Variants in NALCN observed in about 807,000 individuals in gnomAD.
NALCN encodes the protein sodium leak channel NALCN.
A neutral mutation model predicts 225.3 loss-of-function variants in NALCN; 111 were observed. The observed-to-expected ratio is 0.49, with a 90% CI of 0.42 to 0.58. The LOEUF (loss-of-function observed/expected upper bound fraction) is 0.58. Among genes scored for constraint, NALCN ranks in the 20% least tolerant of loss-of-function variants. The probability of loss-of-function intolerance (pLI) is 0.00; values close to 1 mark genes in which losing one functional copy is unlikely to be tolerated. For synonymous variants in NALCN, 764 were observed against 769.0 expected (o/e 0.99, Z 0.11); for missense variants, 1,378 against 2,202.4 (o/e 0.63, Z 7.49).
At chr13:101,390,321 A>G (rs538359907) in intron 3 of NALCN, among the ~76,000 whole-genome samples, 4 of 152,110 alleles carry the variant, frequency 2.6e-5, no homozygotes, top group Non-Finnish European at 5.9e-5. Flanking sequence ...AAAGAAATGA[A>G]AAAAGTATTT....
At chr13:101,200,693 A>G (rs887408858) in intron 13 of NALCN, among the ~76,000 whole-genome samples, 1 of 152,254 alleles carries the variant, frequency 6.6e-6, no homozygotes, top group Non-Finnish European at 1.5e-5. Context: ...CATCAATAGC[A>G]GAAGATCCTT....
chr13:101,414,219 T>A (rs2047869578), intron 1 of NALCN, among the ~76,000 whole-genome samples: 1 of 152,146 alleles, frequency 6.6e-6, no homozygotes, highest in Non-Finnish European at 1.5e-5. Flanking sequence ...AAGCTCACTA[T>A]CATAGTTTCC....
chr13:101,114,839 C>A (rs7323207), intron 18 of NALCN, among the ~76,000 whole-genome samples: 8,921 of 152,248 alleles, frequency 0.059, 902 homozygotes, highest in African/African-American at 0.2. Flanking sequence ...GCTTGCACAG[C>A]CCCGTTTAGT....
At chr13:101,274,018 G>A (rs2042893219) in intron 10 of NALCN, among the ~76,000 whole-genome samples, 1 of 151,902 alleles carries the variant, frequency 6.6e-6, no homozygotes, top group Non-Finnish European at 1.5e-5. Flanking sequence ...TGGTGTAAAA[G>A]CCTGATAACA....
At chr13:101,224,092 C>T (rs2041048108) in intron 13 of NALCN, among the ~76,000 whole-genome samples, 1 of 152,174 alleles carries the variant, frequency 6.6e-6, no homozygotes. Flanking sequence ...ATACCTCTCT[C>T]AAGAAAACAG....
chr13:101,261,509 G>A (rs1350231465), intron 10 of NALCN, among the ~76,000 whole-genome samples: 5 of 152,008 alleles, frequency 3.3e-5, no homozygotes, highest in Admixed American at 3.3e-4. Context: ...CATTTTTGGT[G>A]TCCTCTTCGA....
At chr13:101,247,399 G>A (rs2041928840) in intron 11 of NALCN, among the ~76,000 whole-genome samples, 1 of 152,140 alleles carries the variant, frequency 6.6e-6, no homozygotes, top group Non-Finnish European at 1.5e-5. Flanking sequence ...GGATGGTAGG[G>A]TCCAGGGTCA....
At chr13:101,325,856 A>AC (rs2044933067) in intron 7 of NALCN, among the ~76,000 whole-genome samples, 1 of 152,204 alleles carries the variant, frequency 6.6e-6, no homozygotes, top group Non-Finnish European at 1.5e-5. Context: ...TATTAATGTT[A>AC]CCAACACCAA....
intron 18 of NALCN, among the ~76,000 whole-genome samples, chr13:101,123,185 C>G (rs1157186325): frequency 6.6e-6 from 1 of 152,204 alleles, no homozygotes; most frequent in Non-Finnish European, 1.5e-5. Flanking sequence ...TCTCTGGGAA[C>G]CCATTCACAC....
chr13:101,338,164 A>T (rs542175405), intron 7 of NALCN, among the ~76,000 whole-genome samples: 9 of 152,340 alleles, frequency 5.9e-5, no homozygotes, highest in Admixed American at 5.2e-4. Context: ...TCGACTTTTG[A>T]ATATATAGAA....
chr13:101,158,706 G>A (rs2038023559), intron 15 of NALCN, among the ~76,000 whole-genome samples: 1 of 152,136 alleles, frequency 6.6e-6, no homozygotes, highest in African/African-American at 2.4e-5. Context: ...GTAGAGCTAC[G>A]GGTTTCCAAG....
intron 15 of NALCN, among the ~76,000 whole-genome samples, chr13:101,158,193 C>T (rs993351251): frequency 6.6e-6 from 1 of 152,240 alleles, no homozygotes; most frequent in African/African-American, 2.4e-5. Flanking sequence ...CCATTCAGCA[C>T]TTATGTCCTT....
Position 101,137,221 on chromosome 13 carries a change from G to A in NALCN, c.2118+5859C>T, listed in dbSNP as rs538198076. 4.3e-4 allele frequency among the ~76,000 whole-genome samples: 66 copies of A among 152,200 alleles called. 1 individual carries two copies. Among genetic ancestry groups the A allele is most frequent in the African/African-American group, 1.6e-3 (66 of 41,532 alleles). On this transcript the variant is annotated intron_variant, in intron 17 of 43. Coordinates refer to ENST00000251127, the MANE Select transcript of NALCN (RefSeq NM_052867.4). ...TTTGAGATACAACCCATGGTTACAT[G>A]GTAGCATCATGTCATCTGTCACTCT...
chr13:101,378,068 C>A (rs2046744780), intron 4 of NALCN, among the ~76,000 whole-genome samples: 2 of 151,944 alleles, frequency 1.3e-5, no homozygotes, highest in African/African-American at 4.8e-5. Context: ...TTTTTAAGTT[C>A]AATTTTTTAT....
chr13:101,086,308 T>C (rs2033928540), intron 30 of NALCN, among the ~76,000 whole-genome samples: 1 of 152,058 alleles, frequency 6.6e-6, no homozygotes, highest in African/African-American at 2.4e-5. Context: ...CTTTAATATA[T>C]ACACTTAAAA....
chr13:101,403,064 A>G (rs1163947220), intron 1 of NALCN, among the ~76,000 whole-genome samples: 2 of 152,176 alleles, frequency 1.3e-5, no homozygotes, highest in Admixed American at 1.3e-4. Context: ...TTATATAAAA[A>G]AAAATCAGCT....
chr13:101,235,315 A>G (rs573126793), intron 12 of NALCN, among the ~76,000 whole-genome samples: 3 of 152,326 alleles, frequency 2.0e-5, no homozygotes, highest in African/African-American at 4.8e-5. Context: ...TTACTGAAAA[A>G]TGGCATGTCA....
At chr13:101,359,097 TG>T (rs1272771831) in intron 6 of NALCN, among the ~76,000 whole-genome samples, 2 of 152,062 alleles carry the variant, frequency 1.3e-5, no homozygotes, top group Admixed American at 1.3e-4. Flanking sequence ...AAAACATAGA[TG>T]ATGGGTTGAC....
rs879844054 is a variant in NALCN at position 101,210,134 on chromosome 13, G to A, written c.1627-18080C>T. ...ATTGCACAATTTAAGATTATAGGAT[G>A]CAGCCCATTAGCTTCCATTTGCTTA... On this transcript the variant is annotated intron_variant, in intron 13 of 43. Coordinates refer to ENST00000251127, the MANE Select transcript of NALCN (RefSeq NM_052867.4). Among the ~76,000 whole-genome samples, 39 of 152,120 alleles carry A rather than the reference G, an allele frequency of 2.6e-4. 1 individual carries two copies. The highest frequency in any genetic ancestry group is 2.0e-3 in the Admixed American group (30 of 15,260).
Sources: allele counts gnomAD v4.1 joint callset (sites outside exome capture counted in the v4.1 genomes callset), GRCh38; gene constraint gnomAD v4.1.1; transcripts MANE v1.5; gene names NCBI Gene and HGNC (gene_info 2026-07-23, HGNC 2026-07-21).